HSPH1: variants seen among roughly 807,000 people sequenced by gnomAD.
The protein encoded by HSPH1 is heat shock protein 105 kDa.
HSPH1 carries 40 observed loss-of-function variants against 100.0 expected under a neutral mutation model. The observed-to-expected ratio is 0.40, with a 90% CI of 0.31 to 0.52. The LOEUF (loss-of-function observed/expected upper bound fraction) is 0.52, where lower values mean the gene tolerates loss of function less well. Among genes scored for constraint, HSPH1 ranks in the 20% least tolerant of loss-of-function variants. HSPH1 has a pLI of 0.54. For synonymous variants in HSPH1, 403 were observed against 344.0 expected (o/e 1.17, Z -1.90); for missense variants, 876 against 1,015.1 (o/e 0.86, Z 1.86).
chr13:31,141,797 T>TATACACAC (rs749354268), intron 12 of HSPH1, among the ~76,000 whole-genome samples: 1 of 124,132 alleles, frequency 8.1e-6, no homozygotes, highest in African/African-American at 3.1e-5. Flanking sequence ...TCCATACACA[T>TATACACAC]ACATACACAC....
At chr13:31,148,237 A>T in intron 9 of HSPH1, 137 bp downstream of exon 9, 2 of 1,088,934 alleles carry the variant, frequency 1.8e-6, no homozygotes, top group South Asian at 2.8e-5. Flanking sequence ...ATATTTTGGT[A>T]GATTTGGTTG....
At chr13:31,151,293 A>C (rs745768707) in intron 6 of HSPH1, 102 bp from the exon 7 acceptor site, 2 of 946,830 alleles carry the variant, frequency 2.1e-6, no homozygotes, top group Non-Finnish European at 3.1e-6. Context: ...AAGAGACTCA[A>C]GACTATATTT....
chr13:31,155,299 A>T (rs17075580), intron 3 of HSPH1, among the ~76,000 whole-genome samples: 2,589 of 152,312 alleles, frequency 0.017, 73 homozygotes, highest in African/African-American at 0.06. Flanking sequence ...AAAAGTCAGA[A>T]GAAACACAAA....
At position 31,145,664 on chromosome 13, in the gene HSPH1, C is replaced by A; in HGVS notation, c.1483G>T (p.Ala495Ser). The change falls in exon 11 of 18, where the codon GCA becomes TCA. Residue 495 changes from alanine to serine, a missense_variant. Coordinates refer to ENST00000320027, the MANE Select transcript of HSPH1 (RefSeq NM_006644.4). The part of the protein sequence containing the change: ...NTHGIFTIST[A>S]SMVEKVPTEE... The stretch of plus-strand genomic sequence containing the variant: ...GTTGGGACTTTCTCCACCATAGATG[C>A]CGTAGAGATGGTGAAAATGCCATGG... 6.2e-7 allele frequency: 1 copy of A among 1,613,524 alleles called. No individual in the cohort carries two copies. Among genetic ancestry groups the A allele is most frequent in the East Asian group, 2.2e-5 (1 of 44,860 alleles).
At chr13:31,149,881 T>C in intron 8 of HSPH1, 73 bp downstream of exon 8, 1 of 1,193,762 alleles carries the variant, frequency 8.4e-7, no homozygotes, top group Non-Finnish European at 1.3e-6. Context: ...CTGTTTATTA[T>C]CCCACCATGA....
rs1262971243 is a variant in HSPH1 at position 31,148,484 on chromosome 13, A to C, written c.1138-4T>G. The C allele has an allele frequency of 1.5e-5, 1 of 68,274 alleles. No individual in the cohort carries two copies. The highest frequency in any genetic ancestry group is 2.7e-4 in the South Asian group (1 of 3,648). The allele number at this position is 68,274 out of a possible 1,614,324, so 4.2% of individuals were successfully genotyped here. A position where few individuals can be genotyped will look rare whatever the true frequency, so the allele number is the denominator to read the frequency against. On this transcript the variant is annotated splice_region_variant and splice_polypyrimidine_tract_variant and intron_variant, in intron 8 of 17. Coordinates refer to ENST00000320027, the MANE Select transcript of HSPH1 (RefSeq NM_006644.4). ...ATGCCGGGGAAAGTATTGCACACTT[A>C]AAAAAAAAAAAAAAAATCATGAGCA... is the stretch of plus-strand genomic sequence containing the variant.
rs776938928 is a variant in HSPH1, at chr13:31,154,769, A to T, written c.307-14T>A. 2 of 1,607,248 alleles carry T rather than the reference A, an allele frequency of 1.2e-6. No homozygotes were observed. Among genetic ancestry groups the T allele is most frequent in the African/African-American group, 2.7e-5 (2 of 74,810 alleles). ...CATGTACATTACCTATATTGAAGGG[A>T]AAAAATGTTTTAAACATTGTAGTAC... On this transcript the variant is annotated splice_polypyrimidine_tract_variant and intron_variant, in intron 3 of 17. Transcript: ENST00000320027.
chr13:31,155,762 T>C (rs951867149), intron 2 of HSPH1, 108 bp from the exon 3 acceptor site: 1 of 820,468 alleles, frequency 1.2e-6, no homozygotes, highest in Non-Finnish European at 1.9e-6. Flanking sequence ...ATCCTATGAG[T>C]GCACATAAGT....
Position 31,145,632 on chromosome 13 carries a change from C to T in HSPH1, c.1515G>A (p.Glu505=), listed in dbSNP as rs776505365. Residue 505 remains glutamate (E), a synonymous_variant, in exon 11 of 18, where the codon GAG becomes GAA. Transcript: ENST00000320027. The part of the protein sequence containing the change: ...ASMVEKVPTE[E]NEMSSEADME... The stretch of plus-strand genomic sequence containing the variant: ...TGTCAGCTTCAGAAGACATTTCATT[C>T]TCCTCAGTTGGGACTTTCTCCACCA... 9 of 1,613,554 alleles carry T rather than the reference C, an allele frequency of 5.6e-6. No homozygotes were observed. The highest frequency in any genetic ancestry group is 2.2e-5 in the East Asian group (1 of 44,880).
intron 1 of HSPH1, among the ~76,000 whole-genome samples, chr13:31,160,416 C>T (rs778666888): frequency 2.6e-5 from 4 of 152,156 alleles, no homozygotes; most frequent in Non-Finnish European, 4.4e-5. Flanking sequence ...AATTGTATTA[C>T]CCCAGTCATT....
intron 1 of HSPH1, among the ~76,000 whole-genome samples, chr13:31,161,258 C>G (rs1956896765): frequency 6.6e-6 from 1 of 152,312 alleles, no homozygotes; most frequent in South Asian, 2.1e-4. Context: ...TCCTCTCACC[C>G]CCGTGAATCC....
chr13:31,137,498 A>T lies in HSPH1; in HGVS notation c.2397T>A (p.Val799=), dbSNP rs1955924074. 1 of 1,613,578 alleles carries T rather than the reference A, an allele frequency of 6.2e-7. No homozygotes were observed. The change falls in exon 18 of 18, where the codon GTT becomes GTA. Residue 799 remains valine, a synonymous_variant. Coordinates refer to ENST00000320027, the MANE Select transcript of HSPH1 (RefSeq NM_006644.4). ...CAATTTTTGGTTTCGGTTGTGTTAC[A>T]ACGGGTTCACATGTGTTGTTCAATT... ...IKELNNTCEP[V]VTQPKPKIES...
intron 2 of HSPH1, among the ~76,000 whole-genome samples, chr13:31,156,758 T>A (rs1022602311): frequency 1.3e-5 from 2 of 152,234 alleles, no homozygotes; most frequent in African/African-American, 4.8e-5. Context: ...TGTTTTCAAC[T>A]GCATGTGCGT....
rs774157696 is a variant in HSPH1, at chr13:31,151,188, G to T, written c.667C>A (p.Leu223Met). ...CAFNKGKLKV[L>M]GTAFDPFLGG... Reference sequence around the variant, plus strand: ...AAGAAAGGATCAAAAGCTGTTCCCAGTACCTAATTTGGTTGAAACAACAAA... The same window carrying T: ...AAGAAAGGATCAAAAGCTGTTCCCATTACCTAATTTGGTTGAAACAACAAA... The change falls in exon 7 of 18, where the codon CTG (leucine) becomes ATG (methionine). Residue 223 changes from leucine (L) to methionine (M), a missense_variant. Physicochemically the swap from Leu to Met is conservative, Grantham distance 15 (BLOSUM62 2). Coordinates refer to ENST00000320027, the MANE Select transcript of HSPH1 (RefSeq NM_006644.4). The T allele has an allele frequency of 1.0e-5, 16 of 1,601,500 alleles. No individual in the cohort carries two copies. The South Asian group carries it at 1.6e-4, about 16-fold the overall frequency.
chr13:31,156,051 G>A (rs1017669605), intron 2 of HSPH1, among the ~76,000 whole-genome samples: 1 of 152,128 alleles, frequency 6.6e-6, no homozygotes, highest in Non-Finnish European at 1.5e-5. Flanking sequence ...CCCAATGAAT[G>A]AATAGATCTA....
rs1164720780 is a variant in HSPH1 at position 31,148,485 on chromosome 13, A to T, written c.1138-5T>A. 9 of 298,378 alleles carry T rather than the reference A, an allele frequency of 3.0e-5. No individual in the cohort carries two copies. The highest frequency in any genetic ancestry group is 3.9e-5 in the Non-Finnish European group (8 of 202,794). 18.5% of individuals were successfully genotyped at this position (298,378 alleles called of 1,614,324 possible). On this transcript the variant is annotated splice_region_variant and splice_polypyrimidine_tract_variant and intron_variant, in intron 8 of 17. Coordinates refer to ENST00000320027, the MANE Select transcript of HSPH1 (RefSeq NM_006644.4). ...TGCCGGGGAAAGTATTGCACACTTA[A>T]AAAAAAAAAAAAAAATCATGAGCAC...
intron 17 of HSPH1, among the ~76,000 whole-genome samples, chr13:31,138,137 C>T (rs1481963887): frequency 1.3e-5 from 2 of 152,108 alleles, no homozygotes; most frequent in African/African-American, 4.8e-5. Flanking sequence ...ACACTTTGCA[C>T]ACTTGTTTAA....
At chr13:31,158,918 C>A in intron 1 of HSPH1, 55 bp from the exon 2 acceptor site, 1 of 1,099,440 alleles carries the variant, frequency 9.1e-7, no homozygotes, top group South Asian at 1.3e-5. Flanking sequence ...ATATTTTAAA[C>A]TGATAAGAGA....
At position 31,150,995 on chromosome 13, in the gene HSPH1, T is replaced by C. The variant is rs774463308; in HGVS notation, c.860A>G (p.Asn287Ser). 1.2e-6 allele frequency: 2 copies of C among 1,613,534 alleles called. No individual in the cohort carries two copies. Among genetic ancestry groups the C allele is most frequent in the East Asian group, 2.2e-5 (1 of 44,874 alleles). Residue 287 changes from asparagine to serine, a missense_variant, in exon 7 of 18, where the codon AAT becomes AGT. Asn to Ser is a conservative substitution (Grantham distance 46, BLOSUM62 1). Coordinates refer to ENST00000320027, the MANE Select transcript of HSPH1 (RefSeq NM_006644.4). ...TTTATCATTCATAAAGCATTCGATA[T>C]TCAGTGGAAGGTCTGTGCTGTTAGA... is the stretch of plus-strand genomic sequence containing the variant. ...MSSNSTDLPL[N>S]IECFMNDKDV... is the part of the protein sequence containing the mutation.
Sources: gnomAD v4.1 joint callset for allele counts (sites outside exome capture counted in the v4.1 genomes callset) on GRCh38, gnomAD v4.1.1 for gene constraint, MANE v1.5 for transcripts, NCBI Gene and HGNC (gene_info 2026-07-23, HGNC 2026-07-21) for gene names.